Variants in TSTD1 observed in about 807,000 individuals in gnomAD.
TSTD1 encodes the protein thiosulfate sulfurtransferase like domain containing 1.
TSTD1 carries 7 observed loss-of-function variants against 12.6 expected under a neutral mutation model. The ratio of observed to expected loss-of-function variants is 0.55; its 90% CI spans 0.32 to 1.04. TSTD1 has a LOEUF of 1.04. Among genes scored for constraint, TSTD1 ranks in the 50% least tolerant of loss-of-function variants. TSTD1 has a pLI of 0.05. For synonymous variants in TSTD1, 73 were observed against 59.7 expected (o/e 1.22, Z -1.03); for missense variants, 156 against 151.0 (o/e 1.03, Z -0.17).
At chr1:161,038,440 A>AC in intron 2 of TSTD1, 111 bp downstream of exon 2, 13 of 1,275,384 alleles carry the variant, frequency 1.0e-5, no homozygotes, top group Non-Finnish European at 1.4e-5. Context: ...GGAATGCAGG[A>AC]CCCCCATAAT....
Position 161,037,638 on chromosome 1 carries a change from A to T in TSTD1, c.*137T>A. ...ATTAAGTGCTTCCAATACTTTGATT[A>T]AATGTTCTTTATTTGATGCTTTTGT... On this transcript the variant is annotated 3_prime_UTR_variant, in exon 4 of 4. Transcript: ENST00000423014. 1 of 948,240 alleles carries T rather than the reference A, an allele frequency of 1.1e-6. No homozygotes were observed. The highest frequency in any genetic ancestry group is 1.6e-6 in the Non-Finnish European group (1 of 630,880). 58.7% of individuals were successfully genotyped at this position (948,240 alleles called of 1,614,324 possible).
rs1351408058 is a variant in TSTD1, at chr1:161,038,923, G to A, written c.-34C>T. The A allele has an allele frequency of 6.5e-7, 1 of 1,548,786 alleles. No homozygotes were observed. Among genetic ancestry groups the A allele is most frequent in the Non-Finnish European group, 8.7e-7 (1 of 1,144,826 alleles). On this transcript the variant is annotated 5_prime_UTR_variant, in exon 1 of 4. Transcript: ENST00000423014. ...TAGCAACCGCGAGTCTCCGGAGTGC[G>A]GCCCTGGCCCGCCCTCTCGGCGCCT...
chr1:161,038,748 G>A, intron 1 of TSTD1, 75 bp from the exon 2 acceptor site: 1 of 1,520,480 alleles, frequency 6.6e-7, no homozygotes, highest in Non-Finnish European at 8.9e-7. Context: ...CCCTCACCTG[G>A]CAGCGCCCCT....
chr1:161,038,246 C>T (rs950211734), intron 2 of TSTD1, 171 bp from the exon 3 acceptor site: 3 of 739,548 alleles, frequency 4.1e-6, no homozygotes, highest in Non-Finnish European at 6.4e-6. Context: ...ATGCAAGCCA[C>T]TCCCTAAGCT....
At chr1:161,038,168 A>C in intron 2 of TSTD1, 93 bp from the exon 3 acceptor site, 1 of 1,281,486 alleles carries the variant, frequency 7.8e-7, no homozygotes, top group Non-Finnish European at 1.1e-6. Flanking sequence ...GGGGGCCCCC[A>C]AACAACATAT....
intron 2 of TSTD1, chr1:161,038,344 T>C: frequency 1.4e-6 from 1 of 712,258 alleles, no homozygotes; most frequent in Non-Finnish European, 2.3e-6. Context: ...CTCCGCCTGC[T>C]GTCTTCTCAA....
In TSTD1 at chr1:161,038,092, G is replaced by C. The variant is rs981683681; in HGVS notation, c.134-17C>G. ...ACTCGGACACTGGAGGAGTGGAGAG[G>C]GTAGAAGGGAAAGCCAGCAATTTGG... On this transcript the variant is annotated splice_polypyrimidine_tract_variant and intron_variant, in intron 2 of 3. Coordinates refer to ENST00000423014, the MANE Select transcript of TSTD1 (RefSeq NM_001113207.2). 5 of 1,545,820 alleles carry C rather than the reference G, an allele frequency of 3.2e-6. No individual in the cohort carries two copies. In the African/African-American group the frequency reaches 4.1e-5, roughly 13 times the overall value.
Position 161,038,944 on chromosome 1 carries a change from C to A in TSTD1, c.-55G>T, listed in dbSNP as rs1650368215. ...GTGCGGCCCTGGCCCGCCCTCTCGG[C>A]GCCTGCAACATCTCCCGTTCCCTCC... On this transcript the variant is annotated 5_prime_UTR_variant, in exon 1 of 4. Transcript: ENST00000423014. 2 of 1,547,188 alleles carry A rather than the reference C, an allele frequency of 1.3e-6. No homozygotes were observed. The highest frequency in any genetic ancestry group is 1.7e-6 in the Non-Finnish European group (2 of 1,143,646).
At chr1:161,038,269 G>A (rs1650311929) in intron 2 of TSTD1, 194 bp from the exon 3 acceptor site, 1 of 699,072 alleles carries the variant, frequency 1.4e-6, no homozygotes, top group Non-Finnish European at 2.3e-6. Flanking sequence ...GAGGAGGCGG[G>A]GCGGGATGCC....
Position 161,038,948 on chromosome 1 carries a change from T to A in TSTD1, c.-59A>T, listed in dbSNP as rs1470335403. 5 of 1,547,096 alleles carry A rather than the reference T, an allele frequency of 3.2e-6. No individual in the cohort carries two copies. In the South Asian group the frequency reaches 6.0e-5, roughly 18 times the overall value. ...GGCCCTGGCCCGCCCTCTCGGCGCC[T>A]GCAACATCTCCCGTTCCCTCCCAGA... On this transcript the variant is annotated 5_prime_UTR_variant, in exon 1 of 4. Transcript: ENST00000423014.
chr1:161,038,780 A>AC (rs904778884), intron 1 of TSTD1, 100 bp downstream of exon 1: 95 of 1,517,736 alleles, frequency 6.3e-5, no homozygotes, highest in Admixed American at 1.0e-4. Context: ...GTGCACGAAG[A>AC]CCCCTCAGCC....
chr1:161,038,598 CGA>C lies in TSTD1; in HGVS notation c.84_85del (p.Glu30GlyfsTer36), dbSNP rs1458874000. The C allele has an allele frequency of 6.5e-7, 1 of 1,550,290 alleles. No homozygotes were observed. The highest frequency in any genetic ancestry group is 2.4e-5 in the East Asian group (1 of 40,880). Reference sequence around the variant, plus strand: ...GATGGTCCCAGCTGCCGCCTCCTCGCGAGAGCGCACGTCGAAGAGCCGGGCCC... The same window carrying C: ...GATGGTCCCAGCTGCCGCCTCCTCGCGAGCGCACGTCGAAGAGCCGGGCCC... On this transcript the variant is annotated frameshift_variant, in exon 2 of 4. Transcript: ENST00000423014. LOFTEE classifies it high-confidence loss of function.
rs778846105 is a variant in TSTD1, at chr1:161,038,593, C to T, written c.91G>A (p.Glu31Lys). The T allele has an allele frequency of 5.8e-6, 9 of 1,550,256 alleles. No homozygotes were observed. Among genetic ancestry groups the T allele is most frequent in the Non-Finnish European group, 7.9e-6 (9 of 1,145,862 alleles). ...CCTGGGATGGTCCCAGCTGCCGCCT[C>T]CTCGCGAGAGCGCACGTCGAAGAGC... ...ARLFDVRSRE[E>K]AAAGTIPGAL... is the part of the protein sequence containing the mutation. Residue 31 changes from glutamate (E) to lysine (K), a missense_variant, in exon 2 of 4, where the codon GAG becomes AAG. Glu to Lys is a moderately conservative substitution (Grantham distance 56). Coordinates refer to ENST00000423014, the MANE Select transcript of TSTD1 (RefSeq NM_001113207.2).
intron 2 of TSTD1, 58 bp downstream of exon 2, chr1:161,038,493 A>C: frequency 1.4e-6 from 2 of 1,472,632 alleles, no homozygotes; most frequent in Non-Finnish European, 1.8e-6. Context: ...CCCATTGGCA[A>C]AGAACCTCCT....
At position 161,038,076 on chromosome 1, in the gene TSTD1, C is replaced by G. The variant is rs1440531579; in HGVS notation, c.134-1G>C. On this transcript the variant is annotated splice_acceptor_variant, in intron 2 of 3. Coordinates refer to ENST00000423014, the MANE Select transcript of TSTD1 (RefSeq NM_001113207.2). LOFTEE classifies it high-confidence loss of function. ...TGCAGAGCACTCTCCAACTCGGACA[C>G]TGGAGGAGTGGAGAGGGTAGAAGGG... is the stretch of plus-strand genomic sequence containing the variant. The G allele has an allele frequency of 1.9e-6, 3 of 1,551,370 alleles. No homozygotes were observed. The highest frequency in any genetic ancestry group is 2.6e-6 in the Non-Finnish European group (3 of 1,146,922).
Position 161,038,580 on chromosome 1 carries a change from C to A in TSTD1, c.104G>T (p.Gly35Val). Residue 35 changes from glycine to valine, a missense_variant, in exon 2 of 4, where the codon GGG (glycine) becomes GTG (valine). Gly to Val is a moderately radical substitution (Grantham distance 109). Coordinates refer to ENST00000423014, the MANE Select transcript of TSTD1 (RefSeq NM_001113207.2). ...DVRSREEAAA[G>V]TIPGALNIPV... is the part of the protein sequence containing the mutation. The stretch of plus-strand genomic sequence containing the variant: ...GATGTTGAGCGCCCCTGGGATGGTC[C>A]CAGCTGCCGCCTCCTCGCGAGAGCG... 1 of 1,549,834 alleles carries A rather than the reference C, an allele frequency of 6.5e-7. No homozygotes were observed.
chr1:161,038,727 G>T, intron 1 of TSTD1, 54 bp from the exon 2 acceptor site: 1 of 1,524,308 alleles, frequency 6.6e-7, no homozygotes. Context: ...AGTCACGGCC[G>T]CCATGGCATC....
intron 2 of TSTD1, 102 bp downstream of exon 2, chr1:161,038,449 A>G: frequency 7.4e-7 from 1 of 1,348,950 alleles, no homozygotes; most frequent in South Asian, 1.5e-5. Context: ...GACCCCCATA[A>G]TCAGTGCCTT....
In TSTD1 at chr1:161,038,601, G is replaced by C; in HGVS notation, c.83C>G (p.Ser28Cys). 6.5e-7 allele frequency: 1 copy of C among 1,550,370 alleles called. No homozygotes were observed. Among genetic ancestry groups the C allele is most frequent in the Non-Finnish European group, 8.7e-7 (1 of 1,145,942 alleles). The change falls in exon 2 of 4, where the codon TCT becomes TGT. Residue 28 changes from serine (S) to cysteine (C), a missense_variant. Physicochemically the swap from Ser to Cys is moderately radical, Grantham distance 112. Coordinates refer to ENST00000423014, the MANE Select transcript of TSTD1 (RefSeq NM_001113207.2). ...GGTCCCAGCTGCCGCCTCCTCGCGA[G>C]AGCGCACGTCGAAGAGCCGGGCCCG... ...SGRARLFDVR[S>C]REEAAAGTIP...
Sources: gnomAD v4.1 joint callset for allele counts on GRCh38, gnomAD v4.1.1 for gene constraint, MANE v1.5 for transcripts, NCBI Gene and HGNC (gene_info 2026-07-23, HGNC 2026-07-21) for gene names.